The following DNAH3 variants were observed in gnomAD, a reference collection of about 807,000 sequenced individuals.
DNAH3 encodes axonemal beta dynein heavy chain 3.
DNAH3 carries 332 observed loss-of-function variants against 432.5 expected under a neutral mutation model. The ratio of observed to expected loss-of-function variants is 0.77; its 90% CI spans 0.70 to 0.84. The LOEUF (loss-of-function observed/expected upper bound fraction) is 0.84, where lower values mean the gene tolerates loss of function less well. Among genes scored for constraint, DNAH3 ranks in the 40% least tolerant of loss-of-function variants. The probability of loss-of-function intolerance (pLI) is 0.00; values close to 1 mark genes in which losing one functional copy is unlikely to be tolerated. For synonymous variants in DNAH3, 1,956 were observed against 1,900.2 expected, an observed-to-expected ratio of 1.03 and a Z score of -0.76; for missense variants, 4,861 against 5,114.0, an observed-to-expected ratio of 0.95 and a Z score of 1.51.
At chr16:20,980,703 A>C (rs1347685448) in intron 49 of DNAH3, among the ~76,000 whole-genome samples, 1 of 152,194 alleles carries the variant, frequency 6.6e-6, no homozygotes, top group African/African-American at 2.4e-5. Flanking sequence ...TTAAAAATGC[A>C]TAAAATAAAA....
At chr16:21,057,765 C>A (rs1432162377) in intron 27 of DNAH3, among the ~76,000 whole-genome samples, 1 of 152,078 alleles carries the variant, frequency 6.6e-6, no homozygotes, top group Non-Finnish European at 1.5e-5. Flanking sequence ...GGCCCCTTGG[C>A]TTAGGAAGAA....
At chr16:20,980,390 A>G (rs2085843083) in intron 49 of DNAH3, among the ~76,000 whole-genome samples, 1 of 130,228 alleles carries the variant, frequency 7.7e-6, no homozygotes, top group African/African-American at 2.7e-5. Context: ...GGGGAGAGAG[A>G]GAGACAGGAT....
rs538993432 is a variant in DNAH3, at chr16:21,103,356, G to GGT, written c.2366+1114_2366+1115insAC. Among the ~76,000 whole-genome samples the GGT allele has an allele frequency of 4.7e-4, 70 of 148,748 alleles. 1 individual carries two copies. The East Asian group carries it at 0.013, about 27-fold the overall frequency. On this transcript the variant is annotated intron_variant, in intron 16 of 61. Coordinates refer to ENST00000261383, the Ensembl canonical transcript of DNAH3. ...AAAGGGTGTAGAGGGTGTGTGTGTGGGGGGGGGCAGGGTGGGGGAGTTGGG... is the reference window on the plus strand; with the variant it reads ...AAAGGGTGTAGAGGGTGTGTGTGTGGGTGGGGGGGCAGGGTGGGGGAGTTGGG...
chr16:21,006,662 G>C (rs1399629892), intron 41 of DNAH3, among the ~76,000 whole-genome samples: 1 of 152,138 alleles, frequency 6.6e-6, no homozygotes, highest in Non-Finnish European at 1.5e-5. Flanking sequence ...TTTTGCGACT[G>C]GCTTCTTTCA....
At chr16:21,131,516 G>GGAAA (rs2092560639) in intron 7 of DNAH3, among the ~76,000 whole-genome samples, 1 of 148,740 alleles carries the variant, frequency 6.7e-6, no homozygotes, top group South Asian at 2.1e-4. Flanking sequence ...AAGGAAGGAA[G>GGAAA]GAAGGAAGGA....
At chr16:20,935,517 C>T in intron 60 of DNAH3, 32 bp from the exon 61 acceptor site, 1 of 1,604,392 alleles carries the variant, frequency 6.2e-7, no homozygotes, top group South Asian at 1.1e-5. Context: ...GATTCAAAAT[C>T]AACAACACAT....
At chr16:20,944,852 G>A (rs1040909655) in intron 57 of DNAH3, among the ~76,000 whole-genome samples, 189 bp from the exon 58 acceptor site, 2 of 151,990 alleles carry the variant, frequency 1.3e-5, no homozygotes, top group Non-Finnish European at 2.9e-5. Flanking sequence ...TCTGGGGAGT[G>A]GGCATGAAAG....
At chr16:20,943,818 A>G (rs2083920778) in intron 58 of DNAH3, among the ~76,000 whole-genome samples, 1 of 147,410 alleles carries the variant, frequency 6.8e-6, no homozygotes. Context: ...CTGTCTCTAC[A>G]GAAAATACAA....
intron 27 of DNAH3, among the ~76,000 whole-genome samples, chr16:21,054,953 CCGTATGCTAAAAA>C (rs950075171): frequency 6.6e-6 from 1 of 151,814 alleles, no homozygotes; most frequent in African/African-American, 2.4e-5. Flanking sequence ...AAACTGAGAA[CCGTATGCTAAAAA>C]AGGTGAATTT....
chr16:20,979,311 C>G lies in DNAH3; in HGVS notation c.8076+19G>C. On this transcript the variant is annotated intron_variant, in intron 50 of 61. Transcript: ENST00000261383. ...CGTCCCGGGCCTCTTTGTCTCTGTTCTGTTTTGGCAGTGCTCACCTGAGAA... is the reference window on the plus strand; with the variant it reads ...CGTCCCGGGCCTCTTTGTCTCTGTTGTGTTTTGGCAGTGCTCACCTGAGAA... 6.2e-7 allele frequency: 1 copy of G among 1,612,820 alleles called. No homozygotes were observed. The highest frequency in any genetic ancestry group is 8.5e-7 in the Non-Finnish European group (1 of 1,179,580).
intron 36 of DNAH3, 44 bp from the exon 37 acceptor site, chr16:21,031,330 A>G (rs1244385511): frequency 1.2e-6 from 2 of 1,603,006 alleles, no homozygotes; most frequent in Admixed American, 3.4e-5. Flanking sequence ...CTCTGGTGAG[A>G]CCAGAAGGTT....
chr16:21,091,238 A>G (rs895765571), intron 18 of DNAH3, among the ~76,000 whole-genome samples: 2 of 152,122 alleles, frequency 1.3e-5, no homozygotes, highest in African/African-American at 4.8e-5. Context: ...AAAATGATAA[A>G]TTGGTGAGGG....
intron 44 of DNAH3, among the ~76,000 whole-genome samples, chr16:20,988,612 T>C (rs1009660468): frequency 2.0e-5 from 3 of 152,218 alleles, no homozygotes; most frequent in African/African-American, 7.2e-5. Flanking sequence ...GCCTCAAGAA[T>C]GTTTTTAAAA....
chr16:21,059,376 C>A (rs2090259424), intron 26 of DNAH3, among the ~76,000 whole-genome samples: 1 of 152,124 alleles, frequency 6.6e-6, no homozygotes, highest in Non-Finnish European at 1.5e-5. Flanking sequence ...TTTTACAATG[C>A]AAATACTGTG....
intron 41 of DNAH3, among the ~76,000 whole-genome samples, chr16:21,015,244 A>G (rs1860145084): frequency 6.6e-6 from 1 of 152,240 alleles, no homozygotes; most frequent in Non-Finnish European, 1.5e-5. Flanking sequence ...CTAACAAGGA[A>G]CAAAAATCCA....
chr16:21,059,482 TAG>T (rs1194841511), intron 26 of DNAH3, among the ~76,000 whole-genome samples: 2 of 152,000 alleles, frequency 1.3e-5, no homozygotes, highest in Non-Finnish European at 2.9e-5. Flanking sequence ...GTAAGAAAGT[TAG>T]AGTCAGTCAG....
intron 41 of DNAH3, chr16:21,019,348 C>T (rs572786502): frequency 3.4e-5 from 14 of 405,816 alleles, no homozygotes; most frequent in African/African-American, 1.2e-4. Flanking sequence ...TTAATAGAGA[C>T]GGGGTTTCAC....
intron 5 of DNAH3, among the ~76,000 whole-genome samples, chr16:21,138,036 T>C (rs1597468549): frequency 6.6e-6 from 1 of 151,698 alleles, no homozygotes. Context: ...TCACCTGAAG[T>C]CAGGAGTTTG....
chr16:21,001,889 G>T (rs961991109), intron 42 of DNAH3, among the ~76,000 whole-genome samples: 3 of 152,104 alleles, frequency 2.0e-5, no homozygotes, highest in African/African-American at 7.2e-5. Context: ...TTTGACAAGG[G>T]AAAAATCTCC....
Sources: gnomAD v4.1 joint callset for allele counts (sites outside exome capture counted in the v4.1 genomes callset) on GRCh38, gnomAD v4.1.1 for gene constraint, MANE v1.5 for transcripts, NCBI Gene and HGNC (gene_info 2026-07-23, HGNC 2026-07-21) for gene names.